The following CARNMT1 variants were observed in gnomAD, a reference collection of about 807,000 sequenced individuals.
CARNMT1 encodes the protein carnosine N-methyltransferase 1.
In CARNMT1, 28 loss-of-function variants were observed where a neutral mutation model predicts 49.6. The observed-to-expected ratio is 0.56, with a 90% CI of 0.42 to 0.77. The LOEUF (loss-of-function observed/expected upper bound fraction) is 0.77. CARNMT1 is among the 30% of genes least tolerant of loss of function. CARNMT1 has a pLI of 0.00. For synonymous variants in CARNMT1, 178 were observed against 175.0 expected (o/e 1.02, Z -0.13); for missense variants, 421 against 512.6 (o/e 0.82, Z 1.73).
Position 74,998,611 on chromosome 9 carries a change from A to G in CARNMT1, c.897T>C (p.Ile299=), listed in dbSNP as rs781744157. 2.5e-6 allele frequency: 4 copies of G among 1,583,606 alleles called. No individual in the cohort carries two copies. Among genetic ancestry groups the G allele is most frequent in the Admixed American group, 1.9e-5 (1 of 52,256 alleles). ...FSMTAGDFQE[I]YSECNTWDCI... is the part of the protein sequence containing the mutation. ...ATTTGGACTTACTGCATTCTGAATA[A>G]ATCTCTTGAAAATCTCCTGCTGTCA... is the stretch of plus-strand genomic sequence containing the variant. Residue 299 remains isoleucine (I), a synonymous_variant, in exon 5 of 8, where the codon ATT becomes ATC. Transcript: ENST00000376834.
intron 1 of CARNMT1, among the ~76,000 whole-genome samples, chr9:75,018,793 C>A (rs1426420083): frequency 2.0e-5 from 3 of 151,982 alleles, no homozygotes; most frequent in African/African-American, 7.2e-5. Context: ...CACGGTGAAA[C>A]CCCATCTCTA....
intron 4 of CARNMT1, among the ~76,000 whole-genome samples, chr9:74,999,006 T>C (rs556252405): frequency 6.6e-6 from 1 of 152,178 alleles, no homozygotes; most frequent in African/African-American, 2.4e-5. Context: ...GATATAAATG[T>C]GCTGTTCATT....
chr9:75,007,728 C>CAAAAA (rs201573769), intron 3 of CARNMT1, among the ~76,000 whole-genome samples: 3 of 80,036 alleles, frequency 3.7e-5, no homozygotes, highest in Non-Finnish European at 7.9e-5. Context: ...GACCCTGTCT[C>CAAAAA]AAAAAAATAA....
intron 3 of CARNMT1, among the ~76,000 whole-genome samples, chr9:75,000,655 C>A (rs919894987): frequency 6.6e-6 from 1 of 152,060 alleles, no homozygotes; most frequent in African/African-American, 2.4e-5. Flanking sequence ...TTATAAGAAG[C>A]CAAAGGAAAA....
At chr9:74,993,754 C>T (rs1053608263) in intron 6 of CARNMT1, among the ~76,000 whole-genome samples, 5 of 152,250 alleles carry the variant, frequency 3.3e-5, no homozygotes, top group Non-Finnish European at 7.4e-5. Flanking sequence ...CCATCCTACA[C>T]TATACAGGTC....
chr9:75,000,767 C>G (rs1329072394), intron 3 of CARNMT1, among the ~76,000 whole-genome samples: 4 of 152,152 alleles, frequency 2.6e-5, no homozygotes, highest in African/African-American at 7.2e-5. Context: ...CAAATCTACT[C>G]CTACTAATGA....
rs201616423 is a variant in CARNMT1 at position 75,015,790 on chromosome 9, AT to A, written c.590+477del. On this transcript the variant is annotated intron_variant, in intron 3 of 7. Coordinates refer to ENST00000376834, the MANE Select transcript of CARNMT1 (RefSeq NM_152420.3). ...AAGAGAGTGAGACTGTCTCAAAAAA[AT>A]AAATAAATAAATAAATAAATAAATA... The A allele has an allele frequency of 9.3e-4, 138 of 148,014 alleles. 2 individuals are homozygous for A. The highest frequency in any genetic ancestry group is 6.9e-3 in the Middle Eastern group (2 of 288). The allele number at this position is 148,014 out of a possible 1,614,324, so 9.2% of individuals were successfully genotyped here.
At chr9:75,005,266 A>G (rs1833466649) in intron 3 of CARNMT1, among the ~76,000 whole-genome samples, 1 of 149,186 alleles carries the variant, frequency 6.7e-6, no homozygotes, top group South Asian at 2.1e-4. Context: ...AGAGGATACG[A>G]AAACAGCATT....
At chr9:75,014,478 A>C (rs1833788036) in intron 3 of CARNMT1, among the ~76,000 whole-genome samples, 1 of 152,196 alleles carries the variant, frequency 6.6e-6, no homozygotes, top group South Asian at 2.1e-4. Flanking sequence ...ATTACCTAAC[A>C]GTATTCAGGG....
At chr9:75,008,518 G>A (rs1196632704) in intron 3 of CARNMT1, among the ~76,000 whole-genome samples, 1 of 152,098 alleles carries the variant, frequency 6.6e-6, no homozygotes, top group Admixed American at 6.6e-5. Context: ...TTGTTGGCCA[G>A]GCTGGTCTTG....
intron 6 of CARNMT1, chr9:74,996,153 T>C (rs1453329640): frequency 8.9e-6 from 2 of 225,448 alleles, no homozygotes; most frequent in African/African-American, 4.6e-5. Flanking sequence ...TGTCTCAGCA[T>C]GTGGGATGGT....
intron 3 of CARNMT1, among the ~76,000 whole-genome samples, chr9:75,007,687 C>G (rs953835482): frequency 1.4e-5 from 2 of 145,724 alleles, no homozygotes; most frequent in Non-Finnish European, 3.0e-5. Context: ...CAAGATCATG[C>G]CACTGCACTC....
rs200933121 is a variant in CARNMT1 at position 75,028,054 on chromosome 9, C to T, written c.188G>A (p.Arg63His). Residue 63 changes from arginine to histidine, a missense_variant, in exon 1 of 8, where the codon CGT (arginine) becomes CAT (histidine). Physicochemically the swap from Arg to His is conservative, Grantham distance 29. This residue lies in a region of CARNMT1 where 186 missense variants were observed against 167.9 expected (regional missense o/e 1.11). Transcript: ENST00000376834. ...STEEEEERLE[R>H]EHFWKIINAF... ...ATTAATGATCTTCCAGAAGTGCTCACGCTCAAGCCTCTCCTCCTCCTCCTC... is the reference window on the plus strand; with the variant it reads ...ATTAATGATCTTCCAGAAGTGCTCATGCTCAAGCCTCTCCTCCTCCTCCTC... 32 of 1,579,128 alleles carry T rather than the reference C, an allele frequency of 2.0e-5. No homozygotes were observed. The highest frequency in any genetic ancestry group is 1.9e-4 in the Admixed American group (11 of 56,814).
intron 2 of CARNMT1, 100 bp downstream of exon 2, chr9:75,017,153 G>T: frequency 1.2e-6 from 1 of 857,144 alleles, no homozygotes; most frequent in Non-Finnish European, 1.8e-6. Context: ...AGAGCAAATA[G>T]CCTGTGCCAG....
At chr9:75,014,605 G>A (rs2118849672) in intron 3 of CARNMT1, among the ~76,000 whole-genome samples, 1 of 152,270 alleles carries the variant, frequency 6.6e-6, no homozygotes, top group East Asian at 1.9e-4. Flanking sequence ...AAAAACTGGT[G>A]AATTCAAGTA....
chr9:75,027,074 T>C (rs1822552809), intron 1 of CARNMT1: 1 of 1,304,272 alleles, frequency 7.7e-7, no homozygotes, highest in South Asian at 1.2e-5. Context: ...GTCATGTCTG[T>C]CTGATTCCAA....
rs925269564 is a variant in CARNMT1 at position 75,005,219 on chromosome 9, CTAGAG to C, written c.591-5354_591-5350del. ...ATAAATTTCAATGAGCAACTGCTCA[CTAGAG>C]TAGTGTTCAAATACTATTTAAAACA... On this transcript the variant is annotated intron_variant, in intron 3 of 7. Coordinates refer to ENST00000376834, the MANE Select transcript of CARNMT1 (RefSeq NM_152420.3). Among the ~76,000 whole-genome samples, 16 of 152,254 alleles carry C rather than the reference CTAGAG, an allele frequency of 1.1e-4. No homozygotes were observed. The East Asian group carries it at 1.5e-3, about 15-fold the overall frequency.
chr9:75,008,103 C>T (rs1281806291), intron 3 of CARNMT1, among the ~76,000 whole-genome samples: 1 of 143,660 alleles, frequency 7.0e-6, no homozygotes, highest in African/African-American at 2.6e-5. Context: ...TTTGGCTTCC[C>T]TGGGCCACAC....
In CARNMT1 at chr9:75,028,184, C is replaced by T; in HGVS notation, c.58G>A (p.Gly20Arg). Residue 20 changes from glycine to arginine, a missense_variant, in exon 1 of 8, where the codon GGA becomes AGA. Around this residue, in one of 2 missense-constraint regions of CARNMT1, gnomAD observed 186 missense variants for 167.9 expected, o/e 1.11. Transcript: ENST00000376834. ...PTSRLPEGCG[G>R]GGGGSEEVEV... The stretch of plus-strand genomic sequence containing the variant: ...ACCTCCTCGCTGCCACCGCCTCCTC[C>T]CCCGCAGCCCTCGGGCAGCCGGGAG... The T allele has an allele frequency of 6.6e-7, 1 of 1,509,296 alleles. No homozygotes were observed. Among genetic ancestry groups the T allele is most frequent in the African/African-American group, 1.5e-5 (1 of 68,956 alleles). 93.5% of individuals were successfully genotyped at this position (1,509,296 alleles called of 1,614,324 possible).
Sources: allele counts gnomAD v4.1 joint callset (sites outside exome capture counted in the v4.1 genomes callset), GRCh38; gene constraint gnomAD v4.1.1; regional missense constraint gnomAD v4.1.1; transcripts MANE v1.5; gene names NCBI Gene and HGNC (gene_info 2026-07-23, HGNC 2026-07-21).